The following RXFP1 variants were observed in gnomAD, a reference collection of about 807,000 sequenced individuals.
The protein encoded by RXFP1 is relaxin family peptide receptor 1.
Under a neutral mutation model 89.8 loss-of-function variants are expected in RXFP1, and 73 were observed. The observed-to-expected ratio is 0.81, with a 90% CI of 0.67 to 0.99. The LOEUF (loss-of-function observed/expected upper bound fraction) is 0.99, where lower values mean the gene tolerates loss of function less well. RXFP1 is among the 50% of genes least tolerant of loss of function. The probability of loss-of-function intolerance (pLI) is 0.00; values close to 1 mark genes in which losing one functional copy is unlikely to be tolerated. For missense variants in RXFP1, 793 were observed against 895.5 expected (o/e 0.89, Z 1.46); for synonymous variants, 277 against 305.5 (o/e 0.91, Z 0.97).
intron 1 of RXFP1, among the ~76,000 whole-genome samples, chr4:158,566,788 C>A (rs1753651750): frequency 6.6e-6 from 1 of 152,258 alleles, no homozygotes; most frequent in South Asian, 2.1e-4. Context: ...TGCTGGCAGC[C>A]CTTGCAGCCC....
intron 1 of RXFP1, among the ~76,000 whole-genome samples, chr4:158,570,003 G>A (rs1754696051): frequency 6.6e-6 from 1 of 151,984 alleles, no homozygotes; most frequent in Admixed American, 6.6e-5. Context: ...TTATTTGTAG[G>A]GGTATAAATA....
intron 9 of RXFP1, 32 bp from the exon 10 acceptor site, chr4:158,626,787 AT>A: frequency 7.8e-7 from 1 of 1,285,878 alleles, no homozygotes; most frequent in Non-Finnish European, 1.1e-6. Context: ...CATGATTAAG[AT>A]TTAGCTGTAT....
chr4:158,583,443 A>G (rs1207138142), intron 2 of RXFP1, among the ~76,000 whole-genome samples: 1 of 152,252 alleles, frequency 6.6e-6, no homozygotes, highest in Non-Finnish European at 1.5e-5. Flanking sequence ...ACAGAAGGAT[A>G]CACATCACAT....
intron 1 of RXFP1, among the ~76,000 whole-genome samples, chr4:158,522,512 C>T (rs1271281594): frequency 6.6e-6 from 1 of 151,912 alleles, no homozygotes; most frequent in Non-Finnish European, 1.5e-5. Flanking sequence ...TATCACTGTT[C>T]CTTGAAAGAA....
intron 9 of RXFP1, among the ~76,000 whole-genome samples, chr4:158,617,437 A>T (rs1254081006): frequency 2.1e-5 from 3 of 145,982 alleles, no homozygotes; most frequent in African/African-American, 7.9e-5. Flanking sequence ...ATATATATAT[A>T]TATATATATA....
chr4:158,593,366 C>T (rs1267114058), intron 2 of RXFP1, 35 bp from the exon 3 acceptor site: 2 of 1,355,932 alleles, frequency 1.5e-6, no homozygotes, highest in Non-Finnish European at 2.1e-6. Flanking sequence ...TATCTCTGTT[C>T]CTTGAACTTT....
In RXFP1 at chr4:158,587,425, A is replaced by G. The variant is rs548416253; in HGVS notation, c.188-5976A>G. The stretch of plus-strand genomic sequence containing the variant: ...GATTTCATAAAGAAAAATAATGTGA[A>G]TTTAAATTCCAGTTAATAACAACTT... On this transcript the variant is annotated intron_variant, in intron 2 of 17. Transcript: ENST00000307765. Among the ~76,000 whole-genome samples the G allele has an allele frequency of 8.2e-4, 125 of 152,350 alleles. 1 individual carries two copies. The highest frequency in any genetic ancestry group is 1.6e-3 in the Non-Finnish European group (109 of 68,034).
intron 17 of RXFP1, among the ~76,000 whole-genome samples, chr4:158,649,735 C>G (rs963440387): frequency 6.6e-6 from 1 of 152,134 alleles, no homozygotes; most frequent in African/African-American, 2.4e-5. Context: ...AAATTAGAAT[C>G]CTTGTGAATT....
chr4:158,646,463 G>A lies in RXFP1; in HGVS notation c.1346-328G>A, dbSNP rs932677502. ...GAGTCCCTAACTGAATGCTCTACGTGATTGCATTTTGTTCATTTATTCGAC... is the reference window on the plus strand; with the variant it reads ...GAGTCCCTAACTGAATGCTCTACGTAATTGCATTTTGTTCATTTATTCGAC... On this transcript the variant is annotated intron_variant, in intron 15 of 17. Coordinates refer to ENST00000307765, the MANE Select transcript of RXFP1 (RefSeq NM_021634.4). The A allele has an allele frequency of 2.4e-6, 3 of 1,235,348 alleles. No homozygotes were observed. In the African/African-American group the frequency reaches 4.7e-5, roughly 19 times the overall value. The allele number at this position is 1,235,348 out of a possible 1,614,324, so 76.5% of individuals were successfully genotyped here.
chr4:158,538,793 A>C (rs1745891589), intron 1 of RXFP1, among the ~76,000 whole-genome samples: 1 of 147,814 alleles, frequency 6.8e-6, no homozygotes, highest in Admixed American at 6.8e-5. Context: ...AACAAGAGTG[A>C]AATGCCGTCT....
At chr4:158,595,090 T>A (rs575287047) in intron 3 of RXFP1, among the ~76,000 whole-genome samples, 2 of 152,362 alleles carry the variant, frequency 1.3e-5, no homozygotes, top group Admixed American at 6.5e-5. Flanking sequence ...AGTAAAATTT[T>A]ACACTATGAG....
chr4:158,649,932 G>T (rs1772324739), intron 17 of RXFP1, among the ~76,000 whole-genome samples: 1 of 152,216 alleles, frequency 6.6e-6, no homozygotes, highest in Non-Finnish European at 1.5e-5. Context: ...AGAGATATTT[G>T]TACACCCATG....
intron 2 of RXFP1, among the ~76,000 whole-genome samples, chr4:158,590,295 GC>G (rs1249740378): frequency 6.6e-6 from 1 of 152,074 alleles, no homozygotes; most frequent in African/African-American, 2.4e-5. Flanking sequence ...CTCCCGAGTA[GC>G]TGGGACTACA....
intron 3 of RXFP1, among the ~76,000 whole-genome samples, chr4:158,593,828 A>G (rs1472893684): frequency 6.6e-6 from 1 of 152,226 alleles, no homozygotes; most frequent in African/African-American, 2.4e-5. Flanking sequence ...ATCACTATAA[A>G]GTGTGATGTA....
chr4:158,525,300 G>A (rs561502680), intron 1 of RXFP1, among the ~76,000 whole-genome samples: 29 of 151,500 alleles, frequency 1.9e-4, no homozygotes, highest in African/African-American at 6.8e-4. Flanking sequence ...AGATTGCATC[G>A]TGGTCAAGTC....
chr4:158,645,937 A>T (rs1316956828), intron 15 of RXFP1, among the ~76,000 whole-genome samples: 3 of 152,182 alleles, frequency 2.0e-5, no homozygotes, highest in Non-Finnish European at 1.5e-5. Context: ...GCTAGCTACA[A>T]AATTTTTAGT....
At chr4:158,595,073 T>C (rs1283187411) in intron 3 of RXFP1, among the ~76,000 whole-genome samples, 1 of 152,216 alleles carries the variant, frequency 6.6e-6, no homozygotes, top group East Asian at 1.9e-4. Flanking sequence ...GTTCAATTAT[T>C]TAAAAGAGTA....
At chr4:158,525,057 G>A (rs1489863755) in intron 1 of RXFP1, among the ~76,000 whole-genome samples, 2 of 152,130 alleles carry the variant, frequency 1.3e-5, no homozygotes, top group Non-Finnish European at 2.9e-5. Context: ...CTGTAACTAT[G>A]AAGAAGAGAA....
chr4:158,638,919 T>G (rs1342624685), intron 13 of RXFP1, among the ~76,000 whole-genome samples: 1 of 152,146 alleles, frequency 6.6e-6, no homozygotes, highest in Non-Finnish European at 1.5e-5. Flanking sequence ...ACTAGGAAAT[T>G]TTCAAGGATG....
Sources: gnomAD v4.1 joint callset for allele counts (sites outside exome capture counted in the v4.1 genomes callset) on GRCh38, gnomAD v4.1.1 for gene constraint, MANE v1.5 for transcripts, NCBI Gene and HGNC (gene_info 2026-07-23, HGNC 2026-07-21) for gene names.